Variants in DMAC2 observed in about 807,000 individuals in gnomAD.
DMAC2 encodes the protein distal membrane arm assembly component 2.
In DMAC2, 32 loss-of-function variants were observed where a neutral mutation model predicts 29.6. That is an observed-to-expected ratio of 1.08 (90% CI 0.81 to 1.45). The LOEUF (loss-of-function observed/expected upper bound fraction) is 1.45, where lower values mean the gene tolerates loss of function less well. Among genes scored for constraint, DMAC2 ranks in the 40% most tolerant of loss-of-function variants. The probability of loss-of-function intolerance (pLI) is 0.00; values close to 1 mark genes in which losing one functional copy is unlikely to be tolerated. For synonymous variants in DMAC2, 133 were observed against 137.4 expected, an observed-to-expected ratio of 0.97 and a Z score of 0.23; for missense variants, 319 against 340.0, an observed-to-expected ratio of 0.94 and a Z score of 0.49.
chr19:41,432,491 T>C (rs2039569710), intron 5 of DMAC2, 83 bp from the exon 6 acceptor site: 7 of 936,912 alleles, frequency 7.5e-6, no homozygotes, highest in Non-Finnish European at 9.2e-6. Flanking sequence ...AGCGTGTGCG[T>C]GTGTGTGTGT....
chr19:41,439,309 T>C (rs2122302111), intron 1 of DMAC2: 1 of 550,798 alleles, frequency 1.8e-6, no homozygotes, highest in Non-Finnish European at 3.2e-6. Context: ...TTTCCCTAAA[T>C]TCATTCCTTG....
intron 5 of DMAC2, chr19:41,432,986 A>T (rs2039652958): frequency 1.9e-6 from 1 of 527,534 alleles, no homozygotes; most frequent in African/African-American, 1.9e-5. Flanking sequence ...AGGCACATGA[A>T]GCCCACTGTG....
chr19:41,439,646 ACT>A, intron 1 of DMAC2: 2 of 1,392,712 alleles, frequency 1.4e-6, no homozygotes, highest in Non-Finnish European at 1.9e-6. Context: ...CCCATTGGAT[ACT>A]CTCAGCCAAG....
intron 5 of DMAC2, 82 bp downstream of exon 5, chr19:41,433,190 C>A: frequency 7.0e-7 from 1 of 1,438,206 alleles, no homozygotes; most frequent in Non-Finnish European, 9.2e-7. Context: ...CCTAACATTG[C>A]CCCTCCCCAC....
In DMAC2 at chr19:41,433,424, C is replaced by T. The variant is rs1197897351; in HGVS notation, c.444G>A (p.Lys148=). The change falls in exon 5 of 6, where the codon AAG becomes AAA. Residue 148 remains lysine, a synonymous_variant. Transcript: ENST00000221943. ...YEGLDNLLRL[K]ELQSLSLQRC... is the part of the protein sequence containing the mutation. ...GCTGCAGCGACAAGGACTGGAGCTC[C>T]TTCAGGCGGACTGCGGTGGGGAGAG... 1 of 1,613,480 alleles carries T rather than the reference C, an allele frequency of 6.2e-7. No individual in the cohort carries two copies. The highest frequency in any genetic ancestry group is 8.5e-7 in the Non-Finnish European group (1 of 1,179,688).
rs113869037 is a variant in DMAC2, at chr19:41,432,489, C to CGT, written c.597-83_597-82dup. The CGT allele has an allele frequency of 3.6e-3, 4,766 of 1,316,854 alleles. 117 individuals are homozygous for CGT. In the African/African-American group the frequency reaches 0.062, roughly 17 times the overall value. The allele number at this position is 1,316,854 out of a possible 1,614,324, so 81.6% of individuals were successfully genotyped here. Reference sequence around the variant, plus strand: ...GTAGGGAGGTACAGGACAGCGTGTGCGTGTGTGTGTGTGTATAGGCAGGTA... The same window carrying CGT: ...GTAGGGAGGTACAGGACAGCGTGTGCGTGTGTGTGTGTGTGTATAGGCAGGTA... On this transcript the variant is annotated intron_variant, in intron 5 of 5. Transcript: ENST00000221943.
chr19:41,433,660 C>T lies in DMAC2; in HGVS notation c.310G>A (p.Glu104Lys). Residue 104 changes from glutamate (E) to lysine (K), a missense_variant, in exon 4 of 6, where the codon GAG (glutamate) becomes AAG (lysine). Glu to Lys is a moderately conservative substitution (Grantham distance 56). Transcript: ENST00000221943. ...QGGAVKFRDK[E>K]WIRPDKYGHF... ...CCATACTTATCTGGCCTGATCCACT[C>T]CTTGTCTCGAAACCTGGAAACGGGA... is the stretch of plus-strand genomic sequence containing the variant. 6.2e-7 allele frequency: 1 copy of T among 1,614,242 alleles called. No individual in the cohort carries two copies. Among genetic ancestry groups the T allele is most frequent in the Non-Finnish European group, 8.5e-7 (1 of 1,180,048 alleles).
At chr19:41,435,330 C>T (rs556978111) in intron 3 of DMAC2, among the ~76,000 whole-genome samples, 4 of 151,660 alleles carry the variant, frequency 2.6e-5, no homozygotes, top group African/African-American at 7.3e-5. Context: ...AGTGCAGTGG[C>T]GTGATCTTGG....
chr19:41,436,350 C>G (rs782358970), intron 3 of DMAC2, 42 bp downstream of exon 3: 1 of 1,566,458 alleles, frequency 6.4e-7, no homozygotes, highest in Non-Finnish European at 8.8e-7. Flanking sequence ...AGAGATACCC[C>G]ACCACCTGCC....
intron 1 of DMAC2, 82 bp downstream of exon 1, chr19:41,439,800 C>A: frequency 6.2e-7 from 1 of 1,601,736 alleles, no homozygotes; most frequent in South Asian, 1.1e-5. Context: ...TTTCTGCTCT[C>A]GTGGCCGCCA....
At chr19:41,439,843 G>A (rs1555772525) in intron 1 of DMAC2, 39 bp downstream of exon 1, 2 of 1,614,074 alleles carry the variant, frequency 1.2e-6, no homozygotes, top group South Asian at 2.2e-5. Flanking sequence ...CTGTAGAGCG[G>A]ACTTCAAATT....
chr19:41,436,369 T>C (rs2039864239), intron 3 of DMAC2, 23 bp downstream of exon 3: 1 of 1,610,540 alleles, frequency 6.2e-7, no homozygotes, highest in African/African-American at 1.3e-5. Flanking sequence ...CCCCAGCCCG[T>C]TCTAACACCT....
intron 3 of DMAC2, among the ~76,000 whole-genome samples, 200 bp from the exon 4 acceptor site, chr19:41,433,873 G>C (rs1555770408): frequency 6.6e-6 from 1 of 152,176 alleles, no homozygotes; most frequent in African/African-American, 2.4e-5. Flanking sequence ...TGAGGCAGGA[G>C]AATCACTTGA....
chr19:41,436,399 C>T lies in DMAC2; in HGVS notation c.289G>A (p.Ala97Thr), dbSNP rs781890232. Residue 97 changes from alanine (A) to threonine (T), a missense_variant, in exon 3 of 6, where the codon GCA (alanine) becomes ACA (threonine). By Grantham distance (58) the Ala-to-Thr change is moderately conservative. Coordinates refer to ENST00000221943, the MANE Select transcript of DMAC2 (RefSeq NM_018035.3). ...ACACCTTAGCGGTCATACTTGACTG[C>T]GCCTCCCTGCTTCAGGATGAAAAAG... is the stretch of plus-strand genomic sequence containing the variant. ...GAFFILKQGG[A>T]VKFRDKEWIR... The T allele has an allele frequency of 8.7e-6, 14 of 1,613,884 alleles. No individual in the cohort carries two copies. Among genetic ancestry groups the T allele is most frequent in the African/African-American group, 6.7e-5 (5 of 74,920 alleles).
At chr19:41,436,800 G>C (rs144141920) in intron 2 of DMAC2, among the ~76,000 whole-genome samples, 1 of 152,152 alleles carries the variant, frequency 6.6e-6, no homozygotes, top group Admixed American at 6.5e-5. Context: ...CTGACTGTGA[G>C]GGCTAGGGAG....
Position 41,433,298 on chromosome 19 carries a change from C to T in DMAC2, c.570G>A (p.Arg190=), listed in dbSNP as rs1340203383. 1 of 1,610,472 alleles carries T rather than the reference C, an allele frequency of 6.2e-7. No homozygotes were observed. Among genetic ancestry groups the T allele is most frequent in the Non-Finnish European group, 8.5e-7 (1 of 1,179,722 alleles). The stretch of plus-strand genomic sequence containing the variant: ...GGAGGTGGTGGAGGCAGGCGAGGCC[C>T]CGTTCGGAGATGCGGGGGCAACCGG... ...SLAGCPRISE[R]GLACLHHLQN... is the part of the protein sequence containing the mutation. Residue 190 remains arginine, a synonymous_variant, in exon 5 of 6, where the codon CGG becomes CGA. Coordinates refer to ENST00000221943, the MANE Select transcript of DMAC2 (RefSeq NM_018035.3).
At chr19:41,438,103 A>C in intron 2 of DMAC2, 115 bp downstream of exon 2, 10 of 963,720 alleles carry the variant, frequency 1.0e-5, no homozygotes, top group Non-Finnish European at 1.6e-5. Flanking sequence ...TGGAGCTGCA[A>C]GAGACATCAA....
At chr19:41,437,516 T>C (rs146964379) in intron 2 of DMAC2, among the ~76,000 whole-genome samples, 3 of 152,148 alleles carry the variant, frequency 2.0e-5, no homozygotes, top group African/African-American at 2.4e-5. Flanking sequence ...CTCGCTAACA[T>C]GGTGAAAACC....
At chr19:41,439,802 T>C in intron 1 of DMAC2, 80 bp downstream of exon 1, 2 of 1,601,150 alleles carry the variant, frequency 1.2e-6, no homozygotes, top group Non-Finnish European at 1.7e-6. Flanking sequence ...TCTGCTCTCG[T>C]GGCCGCCAAC....
Sources: gnomAD v4.1 joint callset for allele counts (sites outside exome capture counted in the v4.1 genomes callset) on GRCh38, gnomAD v4.1.1 for gene constraint, MANE v1.5 for transcripts, NCBI Gene and HGNC (gene_info 2026-07-23, HGNC 2026-07-21) for gene names.